The following OPCML variants were observed in gnomAD, a reference collection of about 807,000 sequenced individuals.
The protein encoded by OPCML is opioid binding protein/cell adhesion molecule like.
OPCML carries 13 observed loss-of-function variants against 37.8 expected under a neutral mutation model. The ratio of observed to expected loss-of-function variants is 0.34; its 90% CI spans 0.22 to 0.55. The LOEUF is 0.55. Among genes scored for constraint, OPCML ranks in the 20% least tolerant of loss-of-function variants. OPCML has a pLI of 0.91. For missense variants in OPCML, 341 were observed against 435.6 expected (o/e 0.78, Z 1.93); for synonymous variants, 176 against 168.8 (o/e 1.04, Z -0.33).
At chr11:133,254,975 T>A (rs1941263760) in intron 1 of OPCML, among the ~76,000 whole-genome samples, 1 of 152,204 alleles carries the variant, frequency 6.6e-6, no homozygotes, top group African/African-American at 2.4e-5. Context: ...AAATTAACGC[T>A]CTACCTTGAT....
intron 1 of OPCML, among the ~76,000 whole-genome samples, chr11:133,216,449 C>A (rs1156893318): frequency 2.6e-5 from 4 of 152,170 alleles, no homozygotes; most frequent in Non-Finnish European, 5.9e-5. Flanking sequence ...CAGCCCCCAC[C>A]CTGATTTCTA....
At chr11:133,127,172 T>TC (rs1011516342) in intron 1 of OPCML, among the ~76,000 whole-genome samples, 14 of 152,208 alleles carry the variant, frequency 9.2e-5, no homozygotes, top group African/African-American at 3.4e-4. Flanking sequence ...CTTTGCCATG[T>TC]CCTGCAGTGG....
At chr11:132,848,972 T>C (rs1941677188) in intron 2 of OPCML, among the ~76,000 whole-genome samples, 1 of 152,212 alleles carries the variant, frequency 6.6e-6, no homozygotes, top group Non-Finnish European at 1.5e-5. Flanking sequence ...CCAGTTGTTC[T>C]GTCTCTGCCT....
chr11:133,184,351 G>A (rs1206932156), intron 1 of OPCML, among the ~76,000 whole-genome samples: 1 of 152,132 alleles, frequency 6.6e-6, no homozygotes, highest in African/African-American at 2.4e-5. Flanking sequence ...TTATGGAGGT[G>A]GGATTAGTCT....
intron 3 of OPCML, among the ~76,000 whole-genome samples, chr11:132,597,831 T>C (rs1011414188): frequency 4.6e-5 from 7 of 152,348 alleles, no homozygotes; most frequent in African/African-American, 1.7e-4. Context: ...ATATCCTTTA[T>C]CTGTGTATGT....
At chr11:133,493,319 C>A (rs907264751) in intron 1 of OPCML, among the ~76,000 whole-genome samples, 10 of 152,178 alleles carry the variant, frequency 6.6e-5, no homozygotes, top group African/African-American at 2.2e-4. Flanking sequence ...GCTCTTGCTG[C>A]CATTATTACA....
intron 1 of OPCML, among the ~76,000 whole-genome samples, chr11:133,109,278 A>C (rs1380196206): frequency 1.3e-5 from 2 of 152,104 alleles, no homozygotes; most frequent in Non-Finnish European, 2.9e-5. Flanking sequence ...GGCAGTAGCA[A>C]GGTTTGTTTT....
chr11:132,949,481 A>G (rs1252469444), intron 1 of OPCML, among the ~76,000 whole-genome samples: 1 of 152,192 alleles, frequency 6.6e-6, no homozygotes, highest in Non-Finnish European at 1.5e-5. Context: ...CCTGCTGAGT[A>G]CTGCTGCTGC....
At chr11:133,140,216 T>TAATAATA (rs1182936394) in intron 1 of OPCML, among the ~76,000 whole-genome samples, 20 of 131,622 alleles carry the variant, frequency 1.5e-4, no homozygotes, top group Admixed American at 4.0e-4. Flanking sequence ...ATAATAATAA[T>TAATAATA]AATAATACTG....
At chr11:133,109,151 T>G (rs1949210829) in intron 1 of OPCML, among the ~76,000 whole-genome samples, 1 of 152,134 alleles carries the variant, frequency 6.6e-6, no homozygotes, top group Non-Finnish European at 1.5e-5. Flanking sequence ...CTGCTCCCAC[T>G]GTGTCTGGAG....
At chr11:132,819,011 C>T (rs1032387242) in intron 2 of OPCML, among the ~76,000 whole-genome samples, 25 of 136,258 alleles carry the variant, frequency 1.8e-4, no homozygotes, top group South Asian at 1.6e-3. Flanking sequence ...GTTACAAAGT[C>T]GAAAAAAAAA....
chr11:133,077,899 A>G (rs1948648640), intron 1 of OPCML, among the ~76,000 whole-genome samples: 1 of 152,224 alleles, frequency 6.6e-6, no homozygotes, highest in Non-Finnish European at 1.5e-5. Flanking sequence ...AGCACTTCAC[A>G]CATAATTTGC....
intron 2 of OPCML, among the ~76,000 whole-genome samples, chr11:132,726,823 A>G (rs1944902428): frequency 1.3e-5 from 2 of 152,196 alleles, no homozygotes; most frequent in African/African-American, 4.8e-5. Flanking sequence ...CGCTCATCCA[A>G]CAGACGTAAA....
At chr11:132,853,016 T>C (rs1420485282) in intron 2 of OPCML, among the ~76,000 whole-genome samples, 1 of 152,204 alleles carries the variant, frequency 6.6e-6, no homozygotes, top group Non-Finnish European at 1.5e-5. Flanking sequence ...AAAAAAGCAA[T>C]TGTGTCATCA....
chr11:133,441,454 G>A (rs570031218), intron 1 of OPCML, among the ~76,000 whole-genome samples: 2 of 152,230 alleles, frequency 1.3e-5, no homozygotes, highest in South Asian at 4.1e-4. Flanking sequence ...AGTAAATATG[G>A]ACAGGATATA....
chr11:133,513,255 T>A (rs1205141971), intron 1 of OPCML, among the ~76,000 whole-genome samples: 4 of 152,208 alleles, frequency 2.6e-5, no homozygotes, highest in Non-Finnish European at 5.9e-5. Context: ...AAGTTCAGAT[T>A]TCACCAGCCC....
At chr11:133,265,394 T>C (rs551362271) in intron 1 of OPCML, among the ~76,000 whole-genome samples, 59 of 152,358 alleles carry the variant, frequency 3.9e-4, no homozygotes, top group African/African-American at 1.4e-3. Context: ...TGATCAGCTC[T>C]GGGTGAAATG....
chr11:133,291,520 C>T (rs1324550405), intron 1 of OPCML, among the ~76,000 whole-genome samples: 3 of 152,212 alleles, frequency 2.0e-5, no homozygotes, highest in Non-Finnish European at 4.4e-5. Flanking sequence ...CGGTATCTAC[C>T]GTCCTCCTAG....
chr11:132,458,286 T>C (rs2096089284), intron 4 of OPCML, among the ~76,000 whole-genome samples: 1 of 152,210 alleles, frequency 6.6e-6, no homozygotes, highest in Non-Finnish European at 1.5e-5. Context: ...GCATAGAAGA[T>C]AAGTTGCATA....
Sources: gnomAD v4.1 joint callset for allele counts (sites outside exome capture counted in the v4.1 genomes callset) on GRCh38, gnomAD v4.1.1 for gene constraint, MANE v1.5 for transcripts, NCBI Gene and HGNC (gene_info 2026-07-23, HGNC 2026-07-21) for gene names.